Variants in RGS6 observed in about 807,000 individuals in gnomAD.
RGS6 encodes the protein regulator of G-protein signaling 6.
In RGS6, 30 loss-of-function variants were observed where a neutral mutation model predicts 78.5. That is an observed-to-expected ratio of 0.38 (90% confidence interval 0.29 to 0.52). RGS6 has a LOEUF of 0.52. Among genes scored for constraint, RGS6 ranks in the 20% least tolerant of loss-of-function variants. The pLI is 0.85. For synonymous variants in RGS6, 206 were observed against 206.0 expected, an observed-to-expected ratio of 1.00 and a Z score of 0.00; for missense variants, 495 against 609.7, an observed-to-expected ratio of 0.81 and a Z score of 1.98.
At chr14:72,182,191 T>C (rs1472912737) in intron 2 of RGS6, among the ~76,000 whole-genome samples, 2 of 151,966 alleles carry the variant, frequency 1.3e-5, no homozygotes, top group Non-Finnish European at 2.9e-5. Context: ...GGGCGGATCA[T>C]GCGGTCAAGA....
intron 2 of RGS6, among the ~76,000 whole-genome samples, chr14:72,044,212 G>A (rs1057106044): frequency 6.6e-6 from 1 of 152,112 alleles, no homozygotes; most frequent in Non-Finnish European, 1.5e-5. Flanking sequence ...CATATTGTCT[G>A]CTTTTCCCAT....
the RGS6 span, among the ~76,000 whole-genome samples, chr14:72,585,925 C>T: frequency 6.6e-6 from 1 of 152,216 alleles, no homozygotes; most frequent in Non-Finnish European, 1.5e-5. Flanking sequence ...CTCTGGTCCT[C>T]TCCAGTCTAT....
chr14:72,294,548 A>G (rs1028421781), intron 2 of RGS6, among the ~76,000 whole-genome samples: 1 of 152,214 alleles, frequency 6.6e-6, no homozygotes, highest in South Asian at 2.1e-4. Flanking sequence ...AATGCTGGGT[A>G]ATTTATAAAG....
chr14:72,485,487 G>A (rs908913675), intron 12 of RGS6, among the ~76,000 whole-genome samples: 3 of 152,130 alleles, frequency 2.0e-5, no homozygotes, highest in African/African-American at 7.2e-5. Flanking sequence ...ATTGTCTTGT[G>A]TGTCCCAAGC....
chr14:71,962,449 A>G (rs2153042273), intron 1 of RGS6, among the ~76,000 whole-genome samples: 1 of 152,384 alleles, frequency 6.6e-6, no homozygotes, highest in South Asian at 2.1e-4. Context: ...TCTCTATTAC[A>G]TGGATACATG....
At chr14:72,274,296 G>T (rs1193277252) in intron 2 of RGS6, among the ~76,000 whole-genome samples, 2 of 152,178 alleles carry the variant, frequency 1.3e-5, no homozygotes, top group Non-Finnish European at 2.9e-5. Context: ...ATTAGGTCTG[G>T]TGGGATTGGA....
At chr14:72,088,951 T>C (rs1597371094) in intron 2 of RGS6, among the ~76,000 whole-genome samples, 1 of 152,362 alleles carries the variant, frequency 6.6e-6, no homozygotes, top group African/African-American at 2.4e-5. Flanking sequence ...ATGTTCTCAT[T>C]GTTCACCGAA....
At chr14:71,984,671 G>A (rs1288415116) in intron 2 of RGS6, among the ~76,000 whole-genome samples, 1 of 151,966 alleles carries the variant, frequency 6.6e-6, no homozygotes, top group Non-Finnish European at 1.5e-5. Flanking sequence ...GATGTATTTA[G>A]GAGAAAATAT....
intron 2 of RGS6, among the ~76,000 whole-genome samples, chr14:72,189,588 A>G (rs1194118859): frequency 2.0e-5 from 3 of 152,084 alleles, no homozygotes; most frequent in Non-Finnish European, 4.4e-5. Context: ...GCAGTAAGTG[A>G]TTTTTATTAA....
At chr14:72,048,715 T>G (rs36740) in intron 2 of RGS6, among the ~76,000 whole-genome samples, 65,098 of 151,896 alleles carry the variant, frequency 0.43, 14,456 homozygotes, top group Non-Finnish European at 0.48. Flanking sequence ...CAGAGAAAAT[T>G]GAGATATGAA....
At chr14:72,531,291 G>T (rs1248314318) in intron 15 of RGS6, among the ~76,000 whole-genome samples, 1 of 152,100 alleles carries the variant, frequency 6.6e-6, no homozygotes, top group Non-Finnish European at 1.5e-5. Flanking sequence ...AAATCAGCTG[G>T]GTGTGGTGGT....
chr14:72,181,821 A>C (rs921800319), intron 2 of RGS6, among the ~76,000 whole-genome samples: 7 of 152,202 alleles, frequency 4.6e-5, no homozygotes, highest in African/African-American at 1.2e-4. Context: ...TGCCTAATAG[A>C]GTCAGAGTGA....
chr14:72,131,975 A>T (rs144832036), intron 2 of RGS6, among the ~76,000 whole-genome samples: 1 of 152,332 alleles, frequency 6.6e-6, no homozygotes, highest in African/African-American at 2.4e-5. Context: ...GAACTACTCC[A>T]GAGGCCACCA....
chr14:72,387,318 G>T (rs2088451114), intron 3 of RGS6, among the ~76,000 whole-genome samples: 1 of 152,146 alleles, frequency 6.6e-6, no homozygotes, highest in African/African-American at 2.4e-5. Flanking sequence ...GGGAGGCCAA[G>T]GTGGGCGGAT....
At chr14:72,447,071 G>T (rs1156320061) in intron 3 of RGS6, among the ~76,000 whole-genome samples, 1 of 152,152 alleles carries the variant, frequency 6.6e-6, no homozygotes, top group East Asian at 1.9e-4. Context: ...GGCACGACAG[G>T]CCCAGGGAGT....
intron 2 of RGS6, among the ~76,000 whole-genome samples, chr14:72,122,203 A>G (rs760971453): frequency 3.3e-5 from 5 of 152,184 alleles, no homozygotes; most frequent in African/African-American, 4.8e-5. Flanking sequence ...TTCTCTAAGC[A>G]TCATATTCAA....
chr14:72,530,953 A>G (rs1313800217), intron 15 of RGS6, among the ~76,000 whole-genome samples: 1 of 150,538 alleles, frequency 6.6e-6, no homozygotes, highest in African/African-American at 2.5e-5. Flanking sequence ...TATTCGACTA[A>G]TATCTGAGCC....
In RGS6 at chr14:72,286,806, C is replaced by A. The variant is rs1019964781; in HGVS notation, c.85-65289C>A. On this transcript the variant is annotated intron_variant, in intron 2 of 17. Coordinates refer to ENST00000553525, the MANE Select transcript of RGS6 (RefSeq NM_001204424.2). ...CCCTCCCCTCCCCTCCCCTTCCCTC[C>A]CTTCTTTCACTCTGTTGCCCAGGCT... Among the ~76,000 whole-genome samples, 3 of 152,128 alleles carry A rather than the reference C, an allele frequency of 2.0e-5. No homozygotes were observed. In the South Asian group the frequency reaches 6.2e-4, roughly 32 times the overall value.
chr14:72,459,712 A>C, intron 6 of RGS6, 29 bp downstream of exon 6: 4 of 1,610,598 alleles, frequency 2.5e-6, no homozygotes, highest in Non-Finnish European at 2.5e-6. Context: ...GGGAACTCTC[A>C]ACTTCAACAC....
Sources: gnomAD v4.1 joint callset for allele counts (sites outside exome capture counted in the v4.1 genomes callset) on GRCh38, gnomAD v4.1.1 for gene constraint, MANE v1.5 for transcripts, NCBI Gene and HGNC (gene_info 2026-07-23, HGNC 2026-07-21) for gene names.